CDK13: variants seen among roughly 807,000 people sequenced by gnomAD.
CDK13 encodes cyclin-dependent kinase 13.
Under a neutral mutation model 137.6 loss-of-function variants are expected in CDK13, and 40 were observed. The ratio of observed to expected loss-of-function variants is 0.29; its 90% CI spans 0.23 to 0.38. The LOEUF (loss-of-function observed/expected upper bound fraction) is 0.38. Ranked by LOEUF, CDK13 falls within the 10% of genes least tolerant of loss-of-function variation. The pLI, the probability that CDK13 is intolerant of heterozygous loss-of-function variation, is 1.00. For missense variants in CDK13, 1,704 were observed against 1,951.8 expected (o/e 0.87, Z 2.39); for synonymous variants, 869 against 760.1 (o/e 1.14, Z -2.36).
intron 1 of CDK13, among the ~76,000 whole-genome samples, chr7:39,964,414 T>C (rs978605465): frequency 2.4e-4 from 36 of 152,266 alleles, no homozygotes; most frequent in South Asian, 6.2e-4. Context: ...TGCGTAGAGG[T>C]GTTTATAGTA....
intron 5 of CDK13, among the ~76,000 whole-genome samples, chr7:40,028,976 T>C (rs889471437): frequency 6.6e-6 from 1 of 152,018 alleles, no homozygotes; most frequent in African/African-American, 2.4e-5. Flanking sequence ...AAAAATATAT[T>C]AGATATATGG....
At chr7:39,995,265 T>C (rs571047030) in intron 2 of CDK13, among the ~76,000 whole-genome samples, 19 of 152,338 alleles carry the variant, frequency 1.2e-4, no homozygotes, top group African/African-American at 4.3e-4. Flanking sequence ...GATAGTCTTT[T>C]AAGTTTTAAA....
At chr7:39,984,822 A>T (rs574562175) in intron 1 of CDK13, 1 of 152,066 alleles carries the variant, frequency 6.6e-6, no homozygotes, top group East Asian at 2.0e-4. Context: ...AAAAATACAA[A>T]TACTAGCCAG....
rs377024042 is a variant in CDK13 at position 39,954,193 on chromosome 7, C to G, written c.1211+2341C>G. On this transcript the variant is annotated intron_variant, in intron 1 of 13. Transcript: ENST00000181839. ...TCTGAGTCTTCTAGACTAAAAAACT[C>G]ATACGGTTTTCAGATTTTTCACATT... is the stretch of plus-strand genomic sequence containing the variant. Among the ~76,000 whole-genome samples the G allele has an allele frequency of 3.9e-4, 59 of 152,250 alleles. 1 individual carries two copies. In the South Asian group the frequency reaches 0.012, roughly 30 times the overall value.
intron 5 of CDK13, among the ~76,000 whole-genome samples, chr7:40,028,719 T>C (rs112679169): frequency 1.3e-5 from 2 of 152,142 alleles, no homozygotes; most frequent in African/African-American, 2.4e-5. Flanking sequence ...TCTTGTCTTT[T>C]AGGGACTTTT....
intron 5 of CDK13, among the ~76,000 whole-genome samples, chr7:40,035,189 T>G (rs1200812061): frequency 2.0e-5 from 3 of 152,230 alleles, no homozygotes; most frequent in African/African-American, 7.2e-5. Flanking sequence ...TTACATATGA[T>G]TTTATTAATT....
intron 11 of CDK13, among the ~76,000 whole-genome samples, chr7:40,080,743 CATG>C (rs1354979287): frequency 1.3e-5 from 2 of 152,120 alleles, no homozygotes; most frequent in Non-Finnish European, 2.9e-5. Flanking sequence ...AAAGAGTATT[CATG>C]TATATCCTTT....
intron 1 of CDK13, among the ~76,000 whole-genome samples, chr7:39,975,110 C>T (rs529166607): frequency 6.6e-6 from 1 of 151,964 alleles, no homozygotes; most frequent in South Asian, 2.1e-4. Flanking sequence ...AAGTCTTAAG[C>T]TCTGGTGTAA....
chr7:40,019,057 T>C (rs1217326899), intron 5 of CDK13, among the ~76,000 whole-genome samples: 2 of 152,218 alleles, frequency 1.3e-5, no homozygotes, highest in Non-Finnish European at 2.9e-5. Context: ...GTTATATACA[T>C]TGTGTAAAAG....
intron 2 of CDK13, among the ~76,000 whole-genome samples, chr7:39,992,163 G>GGGGTGTGTGT (rs550297232): frequency 0.015 from 2,253 of 146,392 alleles, 49 homozygotes; most frequent in Admixed American, 0.051. Flanking sequence ...AACTAATGAG[G>GGGGTGTGTGT]GTGTGTGTGT....
intron 5 of CDK13, among the ~76,000 whole-genome samples, chr7:40,010,781 C>A (rs910593870): frequency 1.3e-5 from 2 of 152,062 alleles, no homozygotes; most frequent in African/African-American, 2.4e-5. Context: ...GGATTGGGGA[C>A]CCCTGCACTA....
chr7:40,084,252 G>T (rs964226330), intron 11 of CDK13, among the ~76,000 whole-genome samples: 1 of 151,920 alleles, frequency 6.6e-6, no homozygotes, highest in Non-Finnish European at 1.5e-5. Flanking sequence ...AGGCCGAGGT[G>T]GGCAGATCAC....
chr7:39,980,740 T>TA (rs1259550402), intron 1 of CDK13, among the ~76,000 whole-genome samples: 1 of 152,228 alleles, frequency 6.6e-6, no homozygotes, highest in East Asian at 1.9e-4. Context: ...AGTATTACAG[T>TA]AAAATTTTTA....
chr7:40,099,128 G>A lies in CDK13; in HGVS notation c.*4148G>A, dbSNP rs928927151. ...TGTAATTTCAAGTGGTTTTTTAAGG[G>A]GAGCAATAGTTTGCCATTTACCAAA... On this transcript the variant is annotated 3_prime_UTR_variant, in exon 14 of 14. Coordinates refer to ENST00000181839, the MANE Select transcript of CDK13 (RefSeq NM_003718.5). 6.6e-6 allele frequency: 1 copy of A among 151,358 alleles called. No homozygotes were observed. Among genetic ancestry groups the A allele is most frequent in the Non-Finnish European group, 1.5e-5 (1 of 67,858 alleles). 9.4% of individuals were successfully genotyped at this position (151,358 alleles called of 1,614,324 possible). A position where few individuals can be genotyped will look rare whatever the true frequency, so the allele number is the denominator to read the frequency against.
intron 9 of CDK13, among the ~76,000 whole-genome samples, chr7:40,068,221 G>A (rs949594582): frequency 4.6e-5 from 7 of 151,892 alleles, no homozygotes; most frequent in Non-Finnish European, 8.8e-5. Flanking sequence ...ATGATACAGA[G>A]GGTCAAGAAA....
intron 5 of CDK13, among the ~76,000 whole-genome samples, chr7:40,038,990 T>C (rs1194958869): frequency 6.6e-6 from 1 of 152,204 alleles, no homozygotes; most frequent in African/African-American, 2.4e-5. Flanking sequence ...CCACTGTGCC[T>C]GGCCACAAAT....
chr7:40,006,736 T>C (rs907303335), intron 5 of CDK13, among the ~76,000 whole-genome samples: 5 of 152,116 alleles, frequency 3.3e-5, no homozygotes, highest in African/African-American at 9.7e-5. Context: ...GAGCCGAGAT[T>C]GCGCCACTGC....
chr7:39,988,215 T>C lies in CDK13; in HGVS notation c.1828T>C (p.Leu610=). The part of the protein sequence containing the change: ...VALVTSTLPP[L]PLPPMLPEDK... ...TTTAGTCACCTCTACATTACCACCG[T>C]TACCTTTGCCTCCCATGCTGCCTGA... The change falls in exon 2 of 14, where the codon TTA becomes CTA. Residue 610 remains leucine (L), a synonymous_variant. Transcript: ENST00000181839. 6.2e-7 allele frequency: 1 copy of C among 1,611,786 alleles called. No individual in the cohort carries two copies. The highest frequency in any genetic ancestry group is 8.5e-7 in the Non-Finnish European group (1 of 1,179,470).
chr7:39,960,319 G>C (rs770552709), intron 1 of CDK13, among the ~76,000 whole-genome samples: 4 of 150,952 alleles, frequency 2.6e-5, no homozygotes, highest in Non-Finnish European at 5.9e-5. Context: ...GCAGTGTCAT[G>C]ATCTCGGCTC....
Sources: allele counts gnomAD v4.1 joint callset (sites outside exome capture counted in the v4.1 genomes callset), GRCh38; gene constraint gnomAD v4.1.1; transcripts MANE v1.5; gene names NCBI Gene and HGNC (gene_info 2026-07-23, HGNC 2026-07-21).